ACAP3: variants seen among roughly 807,000 people sequenced by gnomAD.
ACAP3 encodes arf-GAP with coiled-coil, ANK repeat and PH domain-containing protein 3.
ACAP3 carries 56 observed loss-of-function variants against 104.1 expected under a neutral mutation model. The observed-to-expected ratio is 0.54, with a 90% CI of 0.43 to 0.67. The LOEUF is 0.67. Among genes scored for constraint, ACAP3 ranks in the 30% least tolerant of loss-of-function variants. ACAP3 has a pLI of 0.00. For synonymous variants in ACAP3, 628 were observed against 496.2 expected, an observed-to-expected ratio of 1.27 and a Z score of -3.53; for missense variants, 1,208 against 1,174.9, an observed-to-expected ratio of 1.03 and a Z score of -0.41.
chr1:1,304,210 C>T, intron 1 of ACAP3, 67 bp from the exon 2 acceptor site: 1 of 1,536,682 alleles, frequency 6.5e-7, no homozygotes, highest in Non-Finnish European at 8.8e-7. Flanking sequence ...TCACCTCCCC[C>T]CGCACCTCCC....
rs758370061 is a variant in ACAP3, at chr1:1,295,495, A to G, written c.1765T>C (p.Ser589Pro). The G allele has an allele frequency of 6.2e-7, 1 of 1,612,610 alleles. No individual in the cohort carries two copies. The highest frequency in any genetic ancestry group is 8.5e-7 in the Non-Finnish European group (1 of 1,179,878). The change falls in exon 19 of 24, where the codon TCG becomes CCG. Residue 589 changes from serine to proline, a missense_variant. Ser to Pro is a moderately conservative substitution (Grantham distance 74). Transcript: ENST00000354700. ...CCTGCGTCGAAGTAGGAGAAGAGCG[A>G]GTCCAGCTCGTCGGGACAGAAGAGG... ...DSLFCPDELD[S>P]LFSYFDAGAA... is the part of the protein sequence containing the mutation.
Position 1,295,048 on chromosome 1 carries a change from G to A in ACAP3, c.1814-232C>T, listed in dbSNP as rs1377330324. On this transcript the variant is annotated intron_variant, in intron 19 of 23. Coordinates refer to ENST00000354700, the MANE Select transcript of ACAP3 (RefSeq NM_030649.3). ...CCCTAAAGCCCAGGCCTTTTGGGAA[G>A]CCCTTCCCTCCCGCTCGCCGCCTTA... 5 of 572,152 alleles carry A rather than the reference G, an allele frequency of 8.7e-6. No homozygotes were observed. The African/African-American group carries it at 9.4e-5, about 11-fold the overall frequency. 35.4% of individuals were successfully genotyped at this position (572,152 alleles called of 1,614,324 possible).
chr1:1,295,795 G>A lies in ACAP3; in HGVS notation c.1646C>T (p.Thr549Ile). 1 of 1,609,488 alleles carries A rather than the reference G, an allele frequency of 6.2e-7. No individual in the cohort carries two copies. Among genetic ancestry groups the A allele is most frequent in the Non-Finnish European group, 8.5e-7 (1 of 1,179,752 alleles). ...LRPHSSPRAP[T>I]ARRKVRLEPV... ...CTCAAGCCGGACCTTGCGGCGGGCA[G>A]TGGGAGCGCGGGGAGAGCTGTGGGG... Residue 549 changes from threonine to isoleucine, a missense_variant, in exon 18 of 24, where the codon ACT becomes ATT. Physicochemically the swap from Thr to Ile is moderately conservative, Grantham distance 89. Coordinates refer to ENST00000354700, the MANE Select transcript of ACAP3 (RefSeq NM_030649.3).
At position 1,303,864 on chromosome 1, in the gene ACAP3, C is replaced by A. The variant is rs1323314631; in HGVS notation, c.105+222G>T. The A allele has an allele frequency of 1.6e-6, 1 of 621,904 alleles. No individual in the cohort carries two copies. Among genetic ancestry groups the A allele is most frequent in the East Asian group, 2.8e-5 (1 of 35,598 alleles). The allele number at this position is 621,904 out of a possible 1,614,324, so 38.5% of individuals were successfully genotyped here. The stretch of plus-strand genomic sequence containing the variant: ...GGTCGGGGACTCACCACAGCCCAGC[C>A]CCTCCCAGATGGGACGAGACTCAGG... On this transcript the variant is annotated intron_variant, in intron 2 of 23. Transcript: ENST00000354700. This position sits in a 1 kb window ranked among gnomAD's most constrained non-coding sequence, Gnocchi z 4.0.
chr1:1,297,953 G>A lies in ACAP3; in HGVS notation c.1017-20C>T, dbSNP rs758813286. The A allele has an allele frequency of 8.2e-5, 132 of 1,610,946 alleles. No individual in the cohort carries two copies. The highest frequency in any genetic ancestry group is 8.4e-5 in the Admixed American group (5 of 59,868). On this transcript the variant is annotated intron_variant, in intron 13 of 23. Coordinates refer to ENST00000354700, the MANE Select transcript of ACAP3 (RefSeq NM_030649.3). ...CAGCTCCTGCAGGCAGTGGAGGGGC[G>A]GGCGTCAGCTCCGGTGGGCAGGTAC...
At chr1:1,301,220 G>A (rs984221135) in intron 5 of ACAP3, among the ~76,000 whole-genome samples, 5 of 149,806 alleles carry the variant, frequency 3.3e-5, no homozygotes, top group African/African-American at 1.2e-4. Context: ...ACAGGTGCGT[G>A]CCACCATATA....
chr1:1,303,486 G>A lies in ACAP3; in HGVS notation c.106-205C>T, dbSNP rs530120810. The A allele has an allele frequency of 9.2e-5, 62 of 672,358 alleles. No homozygotes were observed. The highest frequency in any genetic ancestry group is 1.6e-4 in the African/African-American group (9 of 54,884). 41.6% of individuals were successfully genotyped at this position (672,358 alleles called of 1,614,324 possible). A position where few individuals can be genotyped will look rare whatever the true frequency, so the allele number is the denominator to read the frequency against. ...CCGTCTGGGAGGGGAGGGTGGGGCC[G>A]CCACGGCTCGGCTGGGAGGGACCAG... On this transcript the variant is annotated intron_variant, in intron 2 of 23. Coordinates refer to ENST00000354700, the MANE Select transcript of ACAP3 (RefSeq NM_030649.3). This position sits in a 1 kb window ranked among gnomAD's most constrained non-coding sequence, Gnocchi z 4.0.
chr1:1,306,665 T>C (rs1215753522), intron 1 of ACAP3, among the ~76,000 whole-genome samples: 1 of 152,150 alleles, frequency 6.6e-6, no homozygotes, highest in Non-Finnish European at 1.5e-5. Context: ...AGCGCGCGCG[T>C]GCACACCCAC....
chr1:1,296,556 G>A lies in ACAP3; in HGVS notation c.1206C>T (p.Gly402=), dbSNP rs529560009. 2.6e-4 allele frequency: 393 copies of A among 1,539,444 alleles called. 1 individual carries two copies. The African/African-American group carries it at 3.6e-3, about 14-fold the overall frequency. The change falls in exon 15 of 24, where the codon GGC becomes GGT. Residue 402 remains glycine, a synonymous_variant. Transcript: ENST00000354700. ...ATDTRERGVK[G]ESVLQRVQSV... is the part of the protein sequence containing the mutation. ...TCTGCACACGCTGCAGCACACTCTC[G>A]CCCTTCACGCCACGCTCCCGAGTGT...
intron 22 of ACAP3, 58 bp downstream of exon 22, chr1:1,294,032 G>A: frequency 4.7e-6 from 7 of 1,492,720 alleles, no homozygotes; most frequent in African/African-American, 1.4e-5. Context: ...ACAGGGCGTA[G>A]CCGGGCCGGG....
In ACAP3 at chr1:1,292,672, G is replaced by C. The variant is rs1640887195; in HGVS notation, c.*892C>G. 1 of 152,348 alleles carries C rather than the reference G, an allele frequency of 6.6e-6. No individual in the cohort carries two copies. Among genetic ancestry groups the C allele is most frequent in the Non-Finnish European group, 1.5e-5 (1 of 68,120 alleles). The allele number at this position is 152,348 out of a possible 1,614,324, so 9.4% of individuals were successfully genotyped here. On this transcript the variant is annotated 3_prime_UTR_variant, in exon 24 of 24. Transcript: ENST00000354700. ...CCCTGCCTCCCTGCCGGGCACCTTT[G>C]GGGAAGGGGTGCGTGAAGGCATTGG... is the stretch of plus-strand genomic sequence containing the variant.
chr1:1,294,010 A>G (rs1177891675), intron 22 of ACAP3, 77 bp from the exon 23 acceptor site: 8 of 1,464,418 alleles, frequency 5.5e-6, no homozygotes, highest in Admixed American at 2.5e-5. Context: ...GTGGCCGGAT[A>G]GGGCATGGCG....
chr1:1,298,774 C>A, intron 10 of ACAP3, 95 bp from the exon 11 acceptor site: 2 of 915,186 alleles, frequency 2.2e-6, no homozygotes, highest in South Asian at 2.7e-5. Flanking sequence ...AGGTCCTTGT[C>A]TGAGGCTGCC....
intron 1 of ACAP3, chr1:1,307,142 C>A (rs1446037907): frequency 2.4e-6 from 3 of 1,257,950 alleles, no homozygotes; most frequent in Admixed American, 2.3e-5. Flanking sequence ...AGCCGATGCA[C>A]ACTTGTGCAC....
intron 19 of ACAP3, 200 bp from the exon 20 acceptor site, chr1:1,295,016 G>A (rs532514802): frequency 1.2e-5 from 7 of 593,882 alleles, no homozygotes; most frequent in African/African-American, 9.4e-5. Context: ...AGGTGCCAGG[G>A]GTAGCCCCCT....
Position 1,294,638 on chromosome 1 carries a change from G to A in ACAP3, c.1913-10C>T. ...TCCGACTCTGCACCCTCTGTGGGGA[G>A]GGGGCGGTCAGGGAAAGCAACCCCC... On this transcript the variant is annotated splice_polypyrimidine_tract_variant and intron_variant, in intron 20 of 23. Coordinates refer to ENST00000354700, the MANE Select transcript of ACAP3 (RefSeq NM_030649.3). The A allele has an allele frequency of 1.3e-6, 2 of 1,529,978 alleles. No homozygotes were observed. The highest frequency in any genetic ancestry group is 1.8e-6 in the Non-Finnish European group (2 of 1,136,210). 94.8% of individuals were successfully genotyped at this position (1,529,978 alleles called of 1,614,324 possible).
In ACAP3 at chr1:1,294,147, T is replaced by C. The variant is rs1189049473; in HGVS notation, c.2192A>G (p.Gln731Arg). The change falls in exon 22 of 24, where the codon CAA (glutamine) becomes CGA (arginine). Residue 731 changes from glutamine (Q) to arginine (R), a missense_variant. Transcript: ENST00000354700. ...GGGCGCCCGGCCCCGGCTGTCTCTTTGGTTCACGTCCGCTCCGTTTTGCAG... is the reference window on the plus strand; with the variant it reads ...GGGCGCCCGGCCCCGGCTGTCTCTTCGGTTCACGTCCGCTCCGTTTTGCAG... Reference protein sequence around the residue: ...FLLQNGADVNQRDSRGRAPLH... With the variant: ...FLLQNGADVNRRDSRGRAPLH... 2 of 1,596,528 alleles carry C rather than the reference T, an allele frequency of 1.3e-6. No homozygotes were observed. Among genetic ancestry groups the C allele is most frequent in the Non-Finnish European group, 1.7e-6 (2 of 1,171,902 alleles).
chr1:1,294,180 T>A lies in ACAP3; in HGVS notation c.2159A>T (p.Glu720Val), dbSNP rs762426672. ...GTCCGCTCCGTTTTGCAGCAGGAAC[T>A]CACAGACGATCAAGGAGCCCTGGGG... Reference protein sequence around the residue: ...AVLGGSLIVCEFLLQNGADVN... With the variant: ...AVLGGSLIVCVFLLQNGADVN... The change falls in exon 22 of 24, where the codon GAG becomes GTG. Residue 720 changes from glutamate to valine, a missense_variant. By Grantham distance (121) the Glu-to-Val change is moderately radical (BLOSUM62 -2). Transcript: ENST00000354700. 1.9e-6 allele frequency: 3 copies of A among 1,592,308 alleles called. No homozygotes were observed. The highest frequency in any genetic ancestry group is 2.6e-6 in the Non-Finnish European group (3 of 1,169,818).
rs1426113066 is a variant in ACAP3 at position 1,294,447 on chromosome 1, G to C, written c.2094C>G (p.Asp698Glu). The C allele has an allele frequency of 6.4e-7, 1 of 1,574,500 alleles. No individual in the cohort carries two copies. Among genetic ancestry groups the C allele is most frequent in the South Asian group, 1.1e-5 (1 of 87,132 alleles). The change falls in exon 21 of 24, where the codon GAC (aspartate) becomes GAG (glutamate). Residue 698 changes from aspartate (D) to glutamate (E), a missense_variant. Transcript: ENST00000354700. ...LAHGAEVNWADAEDEGKTPLV... is the reference protein window; with the variant it reads ...LAHGAEVNWAEAEDEGKTPLV... Reference sequence around the variant, plus strand: ...GCGGCGTCTTGCCCTCATCCTCCGCGTCCGCCCAGTTGACCTCGGCCCCGT... The same window carrying C: ...GCGGCGTCTTGCCCTCATCCTCCGCCTCCGCCCAGTTGACCTCGGCCCCGT...
Sources: gnomAD v4.1 joint callset for allele counts (sites outside exome capture counted in the v4.1 genomes callset) on GRCh38, gnomAD v4.1.1 for gene constraint, Gnocchi (gnomAD v3.1) non-coding constraint, MANE v1.5 for transcripts, NCBI Gene and HGNC (gene_info 2026-07-23, HGNC 2026-07-21) for gene names.